The following FMN2 variants were observed in gnomAD, a reference collection of about 807,000 sequenced individuals.
FMN2 encodes the protein formin 2, also known as formin-2.
FMN2 carries 51 observed loss-of-function variants against 142.3 expected under a neutral mutation model. The observed-to-expected ratio is 0.36, with a 90% CI of 0.29 to 0.45. FMN2 has a LOEUF of 0.45. FMN2 is among the 20% of genes least tolerant of loss of function. The pLI, the probability that FMN2 is intolerant of heterozygous loss-of-function variation, is 1.00. For missense variants in FMN2, 1,936 were observed against 2,122.8 expected, an observed-to-expected ratio of 0.91 and a Z score of 1.73; for synonymous variants, 882 against 869.8, an observed-to-expected ratio of 1.01 and a Z score of -0.25.
intron 13 of FMN2, among the ~76,000 whole-genome samples, chr1:240,352,298 CG>C (rs1333763907): frequency 6.6e-6 from 1 of 152,092 alleles, no homozygotes; most frequent in Non-Finnish European, 1.5e-5. Context: ...GTCATGTGTA[CG>C]TTAGAAACTG....
chr1:240,098,368 C>T (rs963300148), intron 1 of FMN2, among the ~76,000 whole-genome samples: 3 of 151,968 alleles, frequency 2.0e-5, no homozygotes, highest in Non-Finnish European at 4.4e-5. Context: ...TCCCCAAGTG[C>T]TAGGAGGCCT....
chr1:240,394,196 G>A (rs1170539773), intron 15 of FMN2, among the ~76,000 whole-genome samples: 5 of 152,142 alleles, frequency 3.3e-5, no homozygotes, highest in Non-Finnish European at 5.9e-5. Context: ...ATACTGTCTT[G>A]GAAGCCTGAT....
At chr1:240,324,104 A>G (rs577506670) in intron 8 of FMN2, among the ~76,000 whole-genome samples, 4 of 152,256 alleles carry the variant, frequency 2.6e-5, no homozygotes, top group African/African-American at 7.2e-5. Context: ...CCTTACCATA[A>G]TAGTGAGTTG....
chr1:240,393,336 G>C (rs919723577), intron 15 of FMN2, among the ~76,000 whole-genome samples: 1 of 152,110 alleles, frequency 6.6e-6, no homozygotes, highest in African/African-American at 2.4e-5. Flanking sequence ...CACCACAGGT[G>C]ATCTGTGATC....
At chr1:240,446,429 A>C (rs1010515773) in intron 16 of FMN2, among the ~76,000 whole-genome samples, 2 of 152,198 alleles carry the variant, frequency 1.3e-5, no homozygotes, top group African/African-American at 2.4e-5. Flanking sequence ...GTATCTGAGC[A>C]GTTTTTAATT....
chr1:240,117,617 C>A (rs1662074079), intron 1 of FMN2, among the ~76,000 whole-genome samples: 1 of 152,164 alleles, frequency 6.6e-6, no homozygotes, highest in Non-Finnish European at 1.5e-5. Context: ...GTAGTAGGGA[C>A]AACTGATTCA....
intron 7 of FMN2, among the ~76,000 whole-genome samples, chr1:240,263,143 A>C (rs538377989): frequency 2.6e-5 from 4 of 152,194 alleles, no homozygotes; most frequent in South Asian, 2.1e-4. Flanking sequence ...ACCCTCCCCC[A>C]CACACAGATA....
chr1:240,441,611 T>TC (rs1675624566), intron 16 of FMN2, among the ~76,000 whole-genome samples: 1 of 145,294 alleles, frequency 6.9e-6, no homozygotes, highest in Non-Finnish European at 1.5e-5. Flanking sequence ...TATTGGTCTT[T>TC]TTTTTTTTTT....
At position 240,166,833 on chromosome 1, in the gene FMN2, A is replaced by G. The variant is rs185910726; in HGVS notation, c.1783-11088A>G. 1.3e-4 allele frequency among the ~76,000 whole-genome samples: 20 copies of G among 152,278 alleles called. No individual in the cohort carries two copies. In the East Asian group the frequency reaches 3.7e-3, roughly 28 times the overall value. On this transcript the variant is annotated intron_variant, in intron 2 of 17. Transcript: ENST00000319653. ...GAGTGGAATTGGTGGTTCAAAACAG[A>G]TGGGTTGACTGGGCGCAGCGGCTCA...
chr1:240,355,985 A>AAAAAAAAC (rs1672257729), intron 14 of FMN2, 77 bp downstream of exon 14: 1 of 832,516 alleles, frequency 1.2e-6, no homozygotes, highest in Non-Finnish European at 1.8e-6. Context: ...AAAAAAAAAA[A>AAAAAAAAC]AGCTACAAGG....
intron 7 of FMN2, among the ~76,000 whole-genome samples, chr1:240,269,046 T>A (rs2102916417): frequency 6.6e-6 from 1 of 152,176 alleles, no homozygotes; most frequent in Middle Eastern, 3.4e-3. Flanking sequence ...AGAAGCATTT[T>A]GATTTGATGC....
chr1:240,206,280 T>C lies in FMN2; in HGVS notation c.1987-519T>C, dbSNP rs972899831. ...TACCCTAGGTAAAATATTAAAGTTC[T>C]AGTAAACATGATATAAGCGGTATGG... On this transcript the variant is annotated intron_variant, in intron 4 of 17. Transcript: ENST00000319653. Among the ~76,000 whole-genome samples, 5 of 152,300 alleles carry C rather than the reference T, an allele frequency of 3.3e-5. 1 individual carries two copies. The highest frequency in any genetic ancestry group is 3.4e-3 in the Middle Eastern group (1 of 294).
Position 240,299,003 on chromosome 1 carries a change from T to G in FMN2, c.4215+4120T>G, listed in dbSNP as rs113082383. On this transcript the variant is annotated intron_variant, in intron 8 of 17. Coordinates refer to ENST00000319653, the MANE Select transcript of FMN2 (RefSeq NM_020066.5). ...TCTCACTCTGTCACCCAAGCTGGAG[T>G]GCAGTGGCGCAGTCTTGGCCCACTG... 8.2e-3 allele frequency among the ~76,000 whole-genome samples: 1,246 copies of G among 151,986 alleles called. 18 individuals are homozygous for G. The highest frequency in any genetic ancestry group is 0.027 in the African/African-American group (1,103 of 41,416).
At chr1:240,354,374 T>C (rs1179359898) in intron 13 of FMN2, among the ~76,000 whole-genome samples, 2 of 152,136 alleles carry the variant, frequency 1.3e-5, no homozygotes, top group Non-Finnish European at 2.9e-5. Context: ...GCTCAAGTTA[T>C]GTAGGTCAGG....
At chr1:240,311,395 A>G (rs796270461) in intron 8 of FMN2, among the ~76,000 whole-genome samples, 27 of 152,314 alleles carry the variant, frequency 1.8e-4, no homozygotes, top group African/African-American at 6.3e-4. Flanking sequence ...AGTTTCTTCA[A>G]ACAAAAATGA....
At chr1:240,235,390 T>A (rs1248628774) in intron 6 of FMN2, among the ~76,000 whole-genome samples, 1 of 151,260 alleles carries the variant, frequency 6.6e-6, no homozygotes, top group Non-Finnish European at 1.5e-5. Flanking sequence ...CAGATTTTGA[T>A]TTTTAAATAA....
chr1:240,472,056 T>A (rs2210862), intron 16 of FMN2: 137,466 of 211,412 alleles, frequency 0.65, 46,008 homozygotes, highest in African/African-American at 0.84. Flanking sequence ...GTATTTCATT[T>A]TTTACTTGTA....
At chr1:240,258,078 G>T (rs1238841680) in intron 7 of FMN2, 46 bp downstream of exon 7, 7 of 1,468,304 alleles carry the variant, frequency 4.8e-6, no homozygotes, top group Admixed American at 1.8e-5. Context: ...TAAAATTTGG[G>T]CTGAGGGATA....
intron 16 of FMN2, among the ~76,000 whole-genome samples, chr1:240,460,644 G>T (rs1001528465): frequency 6.6e-6 from 1 of 151,026 alleles, no homozygotes; most frequent in Non-Finnish European, 1.5e-5. Flanking sequence ...ACATGTAAAT[G>T]AATATAATTA....
Sources: allele counts gnomAD v4.1 joint callset (sites outside exome capture counted in the v4.1 genomes callset), GRCh38; gene constraint gnomAD v4.1.1; transcripts MANE v1.5; gene names NCBI Gene and HGNC (gene_info 2026-07-23, HGNC 2026-07-21).